Variants in IST1 observed in about 807,000 individuals in gnomAD.
IST1 encodes IST1 homolog.
In IST1, 23 loss-of-function variants were observed where a neutral mutation model predicts 37.0. The ratio of observed to expected loss-of-function variants is 0.62; its 90% CI spans 0.45 to 0.88. The LOEUF (loss-of-function observed/expected upper bound fraction) is 0.88. Among genes scored for constraint, IST1 ranks in the 40% least tolerant of loss-of-function variants. The probability of loss-of-function intolerance (pLI) is 0.00; values close to 1 mark genes in which losing one functional copy is unlikely to be tolerated. For missense variants in IST1, 488 were observed against 445.4 expected (o/e 1.10, Z -0.86); for synonymous variants, 180 against 161.7 (o/e 1.11, Z -0.86).
At chr16:71,916,020 G>A (rs963503291) in intron 2 of IST1, among the ~76,000 whole-genome samples, 3 of 151,954 alleles carry the variant, frequency 2.0e-5, no homozygotes, top group African/African-American at 4.8e-5. Context: ...TAGTAGAGAC[G>A]GGATTTCACC....
intron 9 of IST1, 127 bp from the exon 10 acceptor site, chr16:71,927,487 A>C (rs1597261387): frequency 1.6e-5 from 1 of 63,506 alleles, no homozygotes; most frequent in East Asian, 5.7e-4. Flanking sequence ...AGACTGTCTC[A>C]AAAAAAAAAA....
At position 71,930,218 on chromosome 16, in the gene IST1, C is replaced by A. The variant is rs1476455744; in HGVS notation, c.*2405C>A. On this transcript the variant is annotated 3_prime_UTR_variant, in exon 10 of 10. Transcript: ENST00000378799. ...CAATAAGAACACTTGCAGTGACTGA[C>A]AATTTAGTTTATACTTTACAAACAT... 15 of 1,515,972 alleles carry A rather than the reference C, an allele frequency of 9.9e-6. No individual in the cohort carries two copies. Among genetic ancestry groups the A allele is most frequent in the Non-Finnish European group, 1.3e-5 (15 of 1,129,904 alleles). 93.9% of individuals were successfully genotyped at this position (1,515,972 alleles called of 1,614,324 possible).
At chr16:71,925,798 T>A (rs1188677614) in intron 9 of IST1, among the ~76,000 whole-genome samples, 1 of 151,996 alleles carries the variant, frequency 6.6e-6, no homozygotes, top group African/African-American at 2.4e-5. Context: ...AAAAAATTTT[T>A]AAAAAACCCA....
chr16:71,912,001 G>A (rs760982831), intron 1 of IST1, among the ~76,000 whole-genome samples: 3 of 151,878 alleles, frequency 2.0e-5, no homozygotes, highest in South Asian at 2.1e-4. Context: ...CACTACTCCC[G>A]GCCAAACTTG....
At chr16:71,901,395 A>G (rs188050352) in intron 1 of IST1, among the ~76,000 whole-genome samples, 1 of 152,070 alleles carries the variant, frequency 6.6e-6, no homozygotes, top group Non-Finnish European at 1.5e-5. Context: ...TTGTGTTTTT[A>G]GTAGAGATGG....
In IST1 at chr16:71,924,801, T is replaced by C. The variant is rs1381979397; in HGVS notation, c.885T>C (p.Ser295=). Residue 295 remains serine, a synonymous_variant, in exon 9 of 10, where the codon TCT becomes TCC. Transcript: ENST00000378799. ...VDDINADKNI[S]SAQIVGPGPK... ...ACATTAATGCTGATAAGAATATCTCTTCTGCACAGATTGTTGGTGAGTAGT... is the reference window on the plus strand; with the variant it reads ...ACATTAATGCTGATAAGAATATCTCCTCTGCACAGATTGTTGGTGAGTAGT... The C allele has an allele frequency of 6.2e-7, 1 of 1,607,118 alleles. No homozygotes were observed. The highest frequency in any genetic ancestry group is 2.2e-5 in the East Asian group (1 of 44,864).
At position 71,929,814 on chromosome 16, in the gene IST1, A is replaced by G. The variant is rs2037863111; in HGVS notation, c.*2001A>G. ...TTTCTTTAATAATTTGCAGTCAGGC[A>G]TTGGAGTGTTTCCACTAATGGTTGC... is the stretch of plus-strand genomic sequence containing the variant. On this transcript the variant is annotated 3_prime_UTR_variant, in exon 10 of 10. Transcript: ENST00000378799. The G allele has an allele frequency of 9.7e-7, 1 of 1,030,960 alleles. No individual in the cohort carries two copies. Among genetic ancestry groups the G allele is most frequent in the Non-Finnish European group, 1.4e-6 (1 of 724,752 alleles). The allele number at this position is 1,030,960 out of a possible 1,614,324, so 63.9% of individuals were successfully genotyped here. A position where few individuals can be genotyped will look rare whatever the true frequency, so the allele number is the denominator to read the frequency against.
intron 2 of IST1, 59 bp downstream of exon 2, chr16:71,915,787 T>C: frequency 9.4e-7 from 1 of 1,060,720 alleles, no homozygotes; most frequent in Admixed American, 1.9e-5. Context: ...ACCCCAGTAA[T>C]GGGTCTTTCA....
intron 9 of IST1, among the ~76,000 whole-genome samples, chr16:71,926,103 G>A (rs1312093855): frequency 6.6e-6 from 1 of 151,950 alleles, no homozygotes; most frequent in East Asian, 2.0e-4. Flanking sequence ...TCAACATGGT[G>A]AAACCCTGTC....
chr16:71,903,667 G>A (rs539815408), intron 1 of IST1: 4 of 152,320 alleles, frequency 2.6e-5, no homozygotes, highest in Non-Finnish European at 2.9e-5. Context: ...TCAAGTAGCT[G>A]AGGTTATAGG....
At chr16:71,895,792 G>A (rs2036953246) in intron 1 of IST1, among the ~76,000 whole-genome samples, 1 of 152,248 alleles carries the variant, frequency 6.6e-6, no homozygotes, top group South Asian at 2.1e-4. Flanking sequence ...AGGCTGCCCA[G>A]GCCTGGGTGG....
At chr16:71,895,993 G>C (rs1258841753) in intron 1 of IST1, among the ~76,000 whole-genome samples, 1 of 152,260 alleles carries the variant, frequency 6.6e-6, no homozygotes, top group East Asian at 1.9e-4. Context: ...GGGAAGGTCA[G>C]AGCTTCCAGT....
Position 71,915,622 on chromosome 16 carries a change from C to T in IST1, c.-15-4C>T, listed in dbSNP as rs1256556534. 3 of 1,595,190 alleles carry T rather than the reference C, an allele frequency of 1.9e-6. No homozygotes were observed. The highest frequency in any genetic ancestry group is 2.7e-5 in the African/African-American group (2 of 73,800). On this transcript the variant is annotated splice_polypyrimidine_tract_variant and splice_region_variant and intron_variant, in intron 1 of 9. Coordinates refer to ENST00000378799, the MANE Select transcript of IST1 (RefSeq NM_001270975.2). ...AATAGTCATTGTGCTTCTTCTGTTT[C>T]TAGGAGGAACAGCACAGCATGCTGG...
intron 1 of IST1, among the ~76,000 whole-genome samples, chr16:71,904,550 A>G (rs758565153): frequency 6.6e-6 from 1 of 152,158 alleles, no homozygotes; most frequent in Non-Finnish European, 1.5e-5. Flanking sequence ...AGTAGCTGGG[A>G]CTACAGGCAC....
intron 1 of IST1, among the ~76,000 whole-genome samples, chr16:71,907,402 C>T (rs948616033): frequency 1.3e-5 from 2 of 151,178 alleles, no homozygotes; most frequent in East Asian, 2.0e-4. Context: ...CTCAGCCTCC[C>T]GAGTAGCTGG....
At chr16:71,919,393 ATT>A (rs1270994805) in intron 4 of IST1, among the ~76,000 whole-genome samples, 1 of 151,958 alleles carries the variant, frequency 6.6e-6, no homozygotes, top group Non-Finnish European at 1.5e-5. Context: ...TCATCCTTTA[ATT>A]TATTATTTGA....
chr16:71,929,656 GTATC>G lies in IST1; in HGVS notation c.*1847_*1850del. 6.5e-7 allele frequency: 1 copy of G among 1,550,180 alleles called. No individual in the cohort carries two copies. The highest frequency in any genetic ancestry group is 8.7e-7 in the Non-Finnish European group (1 of 1,146,392). ...CAAATTTGAGAGCTTCTGTAGCAGT[GTATC>G]TATTAGTGCAGCTTCTTTCTGAGTA... On this transcript the variant is annotated 3_prime_UTR_variant, in exon 10 of 10. Transcript: ENST00000378799.
chr16:71,917,694 T>C (rs1322437500), intron 4 of IST1, among the ~76,000 whole-genome samples: 2 of 152,186 alleles, frequency 1.3e-5, no homozygotes, highest in Non-Finnish European at 2.9e-5. Context: ...TCTTTGCCTT[T>C]CTGTTTTATT....
At chr16:71,918,463 C>G (rs1163947417) in intron 4 of IST1, among the ~76,000 whole-genome samples, 2 of 143,138 alleles carry the variant, frequency 1.4e-5, no homozygotes, top group Non-Finnish European at 3.0e-5. Flanking sequence ...GTTGCCTGGG[C>G]TGGAGTGCAG....
Sources: gnomAD v4.1 joint callset for allele counts (sites outside exome capture counted in the v4.1 genomes callset) on GRCh38, gnomAD v4.1.1 for gene constraint, MANE v1.5 for transcripts, NCBI Gene and HGNC (gene_info 2026-07-23, HGNC 2026-07-21) for gene names.